FBH1: variants seen among roughly 807,000 people sequenced by gnomAD.
FBH1 encodes F-box DNA helicase 1, also known as DNA 3'-5' helicase 1.
A neutral mutation model predicts 115.5 loss-of-function variants in FBH1; 43 were observed. That is an observed-to-expected ratio of 0.37 (90% CI 0.29 to 0.48). FBH1 has a LOEUF of 0.48. Ranked by LOEUF, FBH1 falls within the 20% of genes least tolerant of loss-of-function variation. The probability of loss-of-function intolerance (pLI) is 0.99; values close to 1 mark genes in which losing one functional copy is unlikely to be tolerated. For synonymous variants in FBH1, 524 were observed against 507.8 expected (o/e 1.03, Z -0.43); for missense variants, 1,001 against 1,337.3 (o/e 0.75, Z 3.92).
At chr10:5,890,457 G>T in intron 1 of FBH1, 111 bp downstream of exon 1, 1 of 329,546 alleles carries the variant, frequency 3.0e-6, no homozygotes, top group East Asian at 4.9e-5. Context: ...GGGCAGCGGG[G>T]GCCCCGGGGG....
rs2131830719 is a variant in FBH1 at position 5,895,004 on chromosome 10, G to A, written c.1+4658G>A. The A allele has an allele frequency of 1.3e-6, 2 of 1,585,404 alleles. No individual in the cohort carries two copies. The highest frequency in any genetic ancestry group is 3.5e-5 in the Admixed American group (2 of 57,652). On this transcript the variant is annotated intron_variant, in intron 1 of 20. Transcript: ENST00000362091. The surrounding 1 kb of genome is among the most constrained non-coding windows in gnomAD (Gnocchi z 5.0). ...GAGTGAATACTTTTATGGTGCTGGA[G>A]TTGAGAGATAACACAGTTAACTGTT...
Position 5,921,639 on chromosome 10 carries a change from T to C in FBH1, c.2322+70T>C, listed in dbSNP as rs1832322216. The C allele has an allele frequency of 1.3e-6, 2 of 1,560,328 alleles. No individual in the cohort carries two copies. Among genetic ancestry groups the C allele is most frequent in the Non-Finnish European group, 1.7e-6 (2 of 1,162,168 alleles). On this transcript the variant is annotated intron_variant, in intron 15 of 20. Transcript: ENST00000362091. This position sits in a 1 kb window ranked among gnomAD's most constrained non-coding sequence, Gnocchi z 6.4. ...TAGACGAACATACCCAATGGAAATG[T>C]TCACCTTCCTTGGGATTATCATGCA...
chr10:5,917,158 G>C lies in FBH1; in HGVS notation c.1789-262G>C. On this transcript the variant is annotated intron_variant, in intron 10 of 20. Coordinates refer to ENST00000362091, the MANE Select transcript of FBH1 (RefSeq NM_178150.3). This position sits in a 1 kb window ranked among gnomAD's most constrained non-coding sequence, Gnocchi z 5.6. ...GTCATAAATCTAGAAGAACAATTTG[G>C]CCTTTTCTGGTTCACCTAACTGTTA... The C allele has an allele frequency of 6.6e-6, 3 of 457,616 alleles. No individual in the cohort carries two copies. The highest frequency in any genetic ancestry group is 5.8e-4 in the Middle Eastern group (1 of 1,714). The allele number at this position is 457,616 out of a possible 1,614,324, so 28.3% of individuals were successfully genotyped here.
rs761462670 is a variant in FBH1, at chr10:5,917,186, A to C, written c.1789-234A>C. ...TTTTCTGGTTCACCTAACTGTTATG[A>C]TCTCTGTCCTGTCACGGGCATGGCA... On this transcript the variant is annotated intron_variant, in intron 10 of 20. Transcript: ENST00000362091. This position sits in a 1 kb window ranked among gnomAD's most constrained non-coding sequence, Gnocchi z 5.6. The C allele has an allele frequency of 2.0e-5, 11 of 549,452 alleles. No homozygotes were observed. The highest frequency in any genetic ancestry group is 3.3e-5 in the Non-Finnish European group (10 of 305,216). 34.0% of individuals were successfully genotyped at this position (549,452 alleles called of 1,614,324 possible).
chr10:5,903,701 C>T (rs1458186837), intron 2 of FBH1, among the ~76,000 whole-genome samples: 2 of 152,296 alleles, frequency 1.3e-5, no homozygotes, highest in African/African-American at 4.8e-5. Context: ...GGAATGAATC[C>T]TATTAGCTTG....
chr10:5,909,821 G>A lies in FBH1; in HGVS notation c.1020+527G>A, dbSNP rs79330288. On this transcript the variant is annotated intron_variant, in intron 5 of 20. Transcript: ENST00000362091. The surrounding 1 kb of genome is among the most constrained non-coding windows in gnomAD (Gnocchi z 4.4). Reference sequence around the variant, plus strand: ...TGCAACCTCTGCGTGTGTTTTACTGGCCACAGAGGGCTGGGAACCCAGGCA... The same window carrying A: ...TGCAACCTCTGCGTGTGTTTTACTGACCACAGAGGGCTGGGAACCCAGGCA... 7.3e-4 allele frequency among the ~76,000 whole-genome samples: 111 copies of A among 152,302 alleles called. No homozygotes were observed. Among genetic ancestry groups the A allele is most frequent in the African/African-American group, 2.6e-3 (106 of 41,560 alleles).
rs1232871811 is a variant in FBH1 at position 5,911,137 on chromosome 10, C to T, written c.1211+9C>T. ...ATTAACATCAGCAATAGGTAATGCC[C>T]CGGGAGGAGGGGAGGGGATGCTGTG... On this transcript the variant is annotated intron_variant, in intron 6 of 20. Coordinates refer to ENST00000362091, the MANE Select transcript of FBH1 (RefSeq NM_178150.3). The surrounding 1 kb of genome is among the most constrained non-coding windows in gnomAD (Gnocchi z 5.4). 2 of 1,605,116 alleles carry T rather than the reference C, an allele frequency of 1.2e-6. No individual in the cohort carries two copies. Among genetic ancestry groups the T allele is most frequent in the Admixed American group, 3.4e-5 (2 of 59,212 alleles).
intron 18 of FBH1, among the ~76,000 whole-genome samples, chr10:5,926,867 G>A (rs978870601): frequency 5.3e-5 from 8 of 152,212 alleles, no homozygotes; most frequent in Admixed American, 5.2e-4. Context: ...GTAGTGAATC[G>A]AGATGGGAGA....
Position 5,917,252 on chromosome 10 carries a change from G to A in FBH1, c.1789-168G>A. On this transcript the variant is annotated intron_variant, in intron 10 of 20. Coordinates refer to ENST00000362091, the MANE Select transcript of FBH1 (RefSeq NM_178150.3). This position sits in a 1 kb window ranked among gnomAD's most constrained non-coding sequence, Gnocchi z 5.6. Reference sequence around the variant, plus strand: ...CTGTCTCAGCACTGGAGACCCTCTGGCGTGGAGAGGCTGTTGAGGAGACCC... The same window carrying A: ...CTGTCTCAGCACTGGAGACCCTCTGACGTGGAGAGGCTGTTGAGGAGACCC... 6 of 622,164 alleles carry A rather than the reference G, an allele frequency of 9.6e-6. No individual in the cohort carries two copies. Among genetic ancestry groups the A allele is most frequent in the Non-Finnish European group, 1.8e-5 (6 of 342,526 alleles). 38.5% of individuals were successfully genotyped at this position (622,164 alleles called of 1,614,324 possible).
chr10:5,907,066 G>A (rs1327633815), intron 3 of FBH1, among the ~76,000 whole-genome samples: 7 of 151,888 alleles, frequency 4.6e-5, no homozygotes, highest in Non-Finnish European at 1.0e-4. Context: ...AGGTTCAAGT[G>A]ATTCTCCTGC....
At chr10:5,892,600 G>A (rs1055151799) in intron 1 of FBH1, among the ~76,000 whole-genome samples, 22 of 152,174 alleles carry the variant, frequency 1.4e-4, no homozygotes, top group African/African-American at 4.8e-4. Context: ...AGGACCTCCT[G>A]GAGCATAAAC....
chr10:5,932,204 C>G lies in FBH1; in HGVS notation c.2830-4252C>G. On this transcript the variant is annotated intron_variant, in intron 19 of 20. Transcript: ENST00000362091. This position sits in a 1 kb window ranked among gnomAD's most constrained non-coding sequence, Gnocchi z 5.9. ...AGTCTCATTACCTCCCTGTTCACTTCAGACTGTTCTCTGCCTCCACCATTG... is the reference window on the plus strand; with the variant it reads ...AGTCTCATTACCTCCCTGTTCACTTGAGACTGTTCTCTGCCTCCACCATTG... Among the ~76,000 whole-genome samples the G allele has an allele frequency of 6.6e-6, 1 of 152,238 alleles. No individual in the cohort carries two copies. Among genetic ancestry groups the G allele is most frequent in the East Asian group, 1.9e-4 (1 of 5,200 alleles).
chr10:5,906,680 C>T lies in FBH1; in HGVS notation c.753+48C>T, dbSNP rs1038065612. On this transcript the variant is annotated intron_variant, in intron 3 of 20. Coordinates refer to ENST00000362091, the MANE Select transcript of FBH1 (RefSeq NM_178150.3). The surrounding 1 kb of genome is among the most constrained non-coding windows in gnomAD (Gnocchi z 7.3). The stretch of plus-strand genomic sequence containing the variant: ...AGATGTTTCCTCTAAAAGCACGTAA[C>T]TTTGCTTAATGCACGCTTATAATCA... 1 of 1,469,230 alleles carries T rather than the reference C, an allele frequency of 6.8e-7. No homozygotes were observed. Among genetic ancestry groups the T allele is most frequent in the Non-Finnish European group, 9.3e-7 (1 of 1,079,910 alleles). 91.0% of individuals were successfully genotyped at this position (1,469,230 alleles called of 1,614,324 possible).
At position 5,917,786 on chromosome 10, in the gene FBH1, GAA is replaced by G; in HGVS notation, c.1963+111_1963+112del. The G allele has an allele frequency of 3.4e-6, 3 of 884,336 alleles. No homozygotes were observed. The highest frequency in any genetic ancestry group is 5.3e-6 in the Non-Finnish European group (3 of 562,258). 54.8% of individuals were successfully genotyped at this position (884,336 alleles called of 1,614,324 possible). A position where few individuals can be genotyped will look rare whatever the true frequency, so the allele number is the denominator to read the frequency against. On this transcript the variant is annotated intron_variant, in intron 12 of 20. Coordinates refer to ENST00000362091, the MANE Select transcript of FBH1 (RefSeq NM_178150.3). The surrounding 1 kb of genome is among the most constrained non-coding windows in gnomAD (Gnocchi z 5.6). ...GTTGATTATTATTATTTGTGATAAA[GAA>G]GAGGATCTTCATACTTACCTTAGGA...
At position 5,923,519 on chromosome 10, in the gene FBH1, C is replaced by A; in HGVS notation, c.2323-102C>A. The A allele has an allele frequency of 1.1e-6, 1 of 892,964 alleles. No homozygotes were observed. The allele number at this position is 892,964 out of a possible 1,614,324, so 55.3% of individuals were successfully genotyped here. A position where few individuals can be genotyped will look rare whatever the true frequency, so the allele number is the denominator to read the frequency against. Reference sequence around the variant, plus strand: ...CAAGAAACCATCTCATTTCAAAACCCCATCCCTGCATTTGCTTTATTTTGT... The same window carrying A: ...CAAGAAACCATCTCATTTCAAAACCACATCCCTGCATTTGCTTTATTTTGT... On this transcript the variant is annotated intron_variant, in intron 15 of 20. Coordinates refer to ENST00000362091, the MANE Select transcript of FBH1 (RefSeq NM_178150.3). The surrounding 1 kb of genome is among the most constrained non-coding windows in gnomAD (Gnocchi z 5.7).
chr10:5,893,977 GA>G, intron 1 of FBH1: 1 of 985,126 alleles, frequency 1.0e-6, no homozygotes, highest in Non-Finnish European at 1.2e-6. Context: ...CTTTCTTTAG[GA>G]AAAACATAGA....
chr10:5,906,539 G>A lies in FBH1; in HGVS notation c.660G>A (p.Leu220=). 1 of 1,614,130 alleles carries A rather than the reference G, an allele frequency of 6.2e-7. No homozygotes were observed. Among genetic ancestry groups the A allele is most frequent in the South Asian group, 1.1e-5 (1 of 91,066 alleles). Reference sequence around the variant, plus strand: ...TTTGCAGCCTGCCTAGTGAGGTCCTGAGGCACGTGTTTGCCTTCCTCCCGG... The same window carrying A: ...TTTGCAGCCTGCCTAGTGAGGTCCTAAGGCACGTGTTTGCCTTCCTCCCGG... ...SHICSLPSEV[L]RHVFAFLPVE... is the part of the protein sequence containing the mutation. The change falls in exon 3 of 21, where the codon CTG becomes CTA. Residue 220 remains leucine, a synonymous_variant. Transcript: ENST00000362091. This position sits in a 1 kb window ranked among gnomAD's most constrained non-coding sequence, Gnocchi z 7.3.
chr10:5,894,297 C>T, intron 1 of FBH1: 2 of 1,469,360 alleles, frequency 1.4e-6, no homozygotes. Flanking sequence ...GTTATGTTTT[C>T]CAAATACTTC....
intron 18 of FBH1, among the ~76,000 whole-genome samples, chr10:5,926,116 C>A (rs199745458): frequency 0.028 from 2,113 of 74,208 alleles, 50 homozygotes; most frequent in African/African-American, 0.063. Flanking sequence ...TATTCTTATT[C>A]TTCTTATTAT....
Sources: gnomAD v4.1 joint callset for allele counts (sites outside exome capture counted in the v4.1 genomes callset) on GRCh38, gnomAD v4.1.1 for gene constraint, Gnocchi (gnomAD v3.1) non-coding constraint, MANE v1.5 for transcripts, NCBI Gene and HGNC (gene_info 2026-07-23, HGNC 2026-07-21) for gene names.